The following DDX11 variants were observed in gnomAD, a reference collection of about 807,000 sequenced individuals.
The protein encoded by DDX11 is ATP-dependent DNA helicase DDX11.
DDX11 carries 72 observed loss-of-function variants against 125.2 expected under a neutral mutation model. The ratio of observed to expected loss-of-function variants is 0.58; its 90% confidence interval spans 0.48 to 0.70. The LOEUF is 0.70. DDX11 is among the 30% of genes least tolerant of loss of function. DDX11 has a pLI of 0.00. For synonymous variants in DDX11, 347 were observed against 452.6 expected, an observed-to-expected ratio of 0.77 and a Z score of 2.96; for missense variants, 883 against 1,165.0, an observed-to-expected ratio of 0.76 and a Z score of 3.52.
At chr12:31,102,565 C>T (rs1219696986) in intron 23 of DDX11, 38 bp downstream of exon 23, 26 of 1,586,184 alleles carry the variant, frequency 1.6e-5, no homozygotes, top group Non-Finnish European at 2.2e-5. Context: ...GGCCGTGATA[C>T]ATGGCCGGCC....
chr12:31,075,926 G>C (rs1439863907), intron 1 of DDX11, among the ~76,000 whole-genome samples: 1 of 152,042 alleles, frequency 6.6e-6, no homozygotes, highest in Non-Finnish European at 1.5e-5. Context: ...GAGGAGTGGG[G>C]GTGGTGTTTG....
rs774740698 is a variant in DDX11 at position 31,103,999 on chromosome 12, G to A, written c.*163G>A. 4 of 1,559,660 alleles carry A rather than the reference G, an allele frequency of 2.6e-6. No individual in the cohort carries two copies. The highest frequency in any genetic ancestry group is 2.3e-5 in the South Asian group (2 of 85,448). On this transcript the variant is annotated 3_prime_UTR_variant, in exon 27 of 27. Coordinates refer to ENST00000542838, the MANE Select transcript of DDX11 (RefSeq NM_030653.4). The stretch of plus-strand genomic sequence containing the variant: ...TGCCAGGACCCAGGCACAGGCGTTA[G>A]CTCCCGTAGGAGAAAATGGGGGAAT...
intron 24 of DDX11, 140 bp from the exon 25 acceptor site, chr12:31,103,177 C>T: frequency 1.5e-6 from 2 of 1,341,796 alleles, no homozygotes; most frequent in South Asian, 1.3e-5. Flanking sequence ...TCTTGATCTT[C>T]CCTGTGATGT....
At chr12:31,098,260 T>C (rs1366111199) in intron 18 of DDX11, among the ~76,000 whole-genome samples, 1 of 152,252 alleles carries the variant, frequency 6.6e-6, no homozygotes, top group Non-Finnish European at 1.5e-5. Flanking sequence ...TGTTCTGTGG[T>C]TTCAAACTCA....
intron 25 of DDX11, 65 bp downstream of exon 25, chr12:31,103,460 G>C (rs1946761102): frequency 6.2e-7 from 1 of 1,601,112 alleles, no homozygotes; most frequent in East Asian, 2.3e-5. Flanking sequence ...ACAGGAAAGA[G>C]GGGTTGCCTG....
Position 31,103,715 on chromosome 12 carries a change from T to C in DDX11, c.2675T>C (p.Ile892Thr). 6.2e-7 allele frequency: 1 copy of C among 1,613,826 alleles called. No homozygotes were observed. Among genetic ancestry groups the C allele is most frequent in the Non-Finnish European group, 8.5e-7 (1 of 1,179,956 alleles). ...VEVKATFGPAIAAVQKFHREK... is the reference protein window; with the variant it reads ...VEVKATFGPATAAVQKFHREK... ...GTCAAAGCTACCTTTGGCCCCGCCA[T>C]TGCTGCTGTGCAGAAGGTCAGTCCT... The change falls in exon 26 of 27, where the codon ATT becomes ACT. Residue 892 changes from isoleucine (I) to threonine (T), a missense_variant. Physicochemically the swap from Ile to Thr is moderately conservative, Grantham distance 89. Around this residue, in one of 5 missense-constraint regions of DDX11, gnomAD observed 285 missense variants for 346.0 expected, o/e 0.82. Coordinates refer to ENST00000542838, the MANE Select transcript of DDX11 (RefSeq NM_030653.4).
chr12:31,081,034 T>C (rs1047274599), intron 2 of DDX11, among the ~76,000 whole-genome samples: 1 of 152,204 alleles, frequency 6.6e-6, no homozygotes, highest in South Asian at 2.1e-4. Flanking sequence ...CATGAGCCAC[T>C]GTACCTGACC....
At chr12:31,095,763 C>T (rs1945114427) in intron 14 of DDX11, among the ~76,000 whole-genome samples, 1 of 152,194 alleles carries the variant, frequency 6.6e-6, no homozygotes, top group South Asian at 2.1e-4. Context: ...CTTCCCTTTG[C>T]CCTCCTTGCT....
At chr12:31,077,600 C>A (rs544379510) in intron 1 of DDX11, among the ~76,000 whole-genome samples, 17 of 152,108 alleles carry the variant, frequency 1.1e-4, no homozygotes, top group Admixed American at 1.1e-3. Context: ...GTAATCCCAG[C>A]ACTTCGGGAG....
In DDX11 at chr12:31,084,853, C is replaced by T. The variant is rs766231120; in HGVS notation, c.481-116C>T. On this transcript the variant is annotated intron_variant, in intron 4 of 26. Coordinates refer to ENST00000542838, the MANE Select transcript of DDX11 (RefSeq NM_030653.4). ...TCCTAGGAGTCGACCTCTCTCCAGC[C>T]AGGCAGCCAGGCCTATGTGAATGGG... The T allele has an allele frequency of 2.9e-5, 39 of 1,352,496 alleles. No individual in the cohort carries two copies. The African/African-American group carries it at 5.2e-4, about 18-fold the overall frequency. The allele number at this position is 1,352,496 out of a possible 1,614,324, so 83.8% of individuals were successfully genotyped here.
chr12:31,079,054 C>T (rs890398702), intron 2 of DDX11, among the ~76,000 whole-genome samples: 5 of 152,142 alleles, frequency 3.3e-5, no homozygotes, highest in Admixed American at 6.5e-5. Context: ...CTACCTATTA[C>T]GGTAGATGAG....
At chr12:31,102,803 A>G (rs1946622507) in intron 23 of DDX11, 133 bp from the exon 24 acceptor site, 3 of 804,804 alleles carry the variant, frequency 3.7e-6, no homozygotes, top group Admixed American at 2.0e-5. Flanking sequence ...GTAGGTACAG[A>G]GTGGAGAGAG....
At chr12:31,096,832 G>A in intron 16 of DDX11, 27 bp from the exon 17 acceptor site, 2 of 1,614,186 alleles carry the variant, frequency 1.2e-6, no homozygotes, top group Non-Finnish European at 1.7e-6. Context: ...CCAGAGGGAG[G>A]CCTCCTCCCC....
In DDX11 at chr12:31,101,839, G is replaced by T; in HGVS notation, c.2059G>T (p.Glu687Ter). ...CCCTCCTTTCCTTCCTTAGATGGACGAGGTGGGTCGCATTCTCTGTAACCT... is the reference window on the plus strand; with the variant it reads ...CCCTCCTTTCCTTCCTTAGATGGACTAGGTGGGTCGCATTCTCTGTAACCT... ...QKRELPQMMD[E>*]VGRILCNLCG... Residue 687 changes from glutamate (E) to a stop codon, truncating the protein, a stop_gained, in exon 21 of 27, where the codon GAG (glutamate) becomes TAG (stop). Coordinates refer to ENST00000542838, the MANE Select transcript of DDX11 (RefSeq NM_030653.4). LOFTEE classifies it high-confidence loss of function. 2 of 1,613,974 alleles carry T rather than the reference G, an allele frequency of 1.2e-6. No individual in the cohort carries two copies. The highest frequency in any genetic ancestry group is 8.5e-7 in the Non-Finnish European group (1 of 1,179,858).
chr12:31,088,131 C>T, intron 6 of DDX11, 148 bp downstream of exon 6: 1 of 1,299,530 alleles, frequency 7.7e-7, no homozygotes, highest in Non-Finnish European at 1.1e-6. Flanking sequence ...TTGCTTCTTG[C>T]ACACAACCCT....
intron 9 of DDX11, 150 bp from the exon 10 acceptor site, chr12:31,091,569 G>A (rs1944223301): frequency 2.0e-5 from 15 of 764,230 alleles, no homozygotes; most frequent in Non-Finnish European, 3.2e-5. Flanking sequence ...CTCGAGGAGA[G>A]CTTGTCCGTT....
At chr12:31,088,655 T>C (rs1943603330) in intron 6 of DDX11, among the ~76,000 whole-genome samples, 1 of 152,240 alleles carries the variant, frequency 6.6e-6, no homozygotes, top group African/African-American at 2.4e-5. Flanking sequence ...GCCTTCCTTT[T>C]TCCCTTTGGG....
intron 2 of DDX11, among the ~76,000 whole-genome samples, chr12:31,083,524 A>G (rs1433034640): frequency 6.6e-6 from 1 of 152,046 alleles, no homozygotes; most frequent in Non-Finnish European, 1.5e-5. Flanking sequence ...TATGTGCGAT[A>G]TTTACATAGA....
intron 12 of DDX11, chr12:31,093,855 T>G (rs1345344678): frequency 1.1e-5 from 2 of 181,794 alleles, no homozygotes; most frequent in African/African-American, 5.0e-5. Flanking sequence ...TTCTGAGGAC[T>G]TTTTATTTCA....
Sources: allele counts gnomAD v4.1 joint callset (sites outside exome capture counted in the v4.1 genomes callset), GRCh38; gene constraint gnomAD v4.1.1; regional missense constraint gnomAD v4.1.1; transcripts MANE v1.5; gene names NCBI Gene and HGNC (gene_info 2026-07-23, HGNC 2026-07-21).